PTPRN2: variants seen among roughly 807,000 people sequenced by gnomAD.
The protein encoded by PTPRN2 is protein tyrosine phosphatase receptor type N2, also known as receptor-type tyrosine-protein phosphatase N2.
PTPRN2 carries 74 observed loss-of-function variants against 118.8 expected under a neutral mutation model. The observed-to-expected ratio is 0.62, with a 90% CI of 0.52 to 0.76. PTPRN2 has a LOEUF of 0.76. PTPRN2 is among the 30% of genes least tolerant of loss of function. The pLI, the probability that PTPRN2 is intolerant of heterozygous loss-of-function variation, is 0.00. For missense variants in PTPRN2, 1,481 were observed against 1,394.4 expected (o/e 1.06, Z -0.99); for synonymous variants, 641 against 608.0 (o/e 1.05, Z -0.80).
chr7:157,748,204 TGA>T (rs1801139450), intron 12 of PTPRN2, among the ~76,000 whole-genome samples: 3 of 139,992 alleles, frequency 2.1e-5, no homozygotes, highest in South Asian at 2.4e-4. Flanking sequence ...CCCTGAGCTG[TGA>T]GCTGTTGAGG....
intron 6 of PTPRN2, among the ~76,000 whole-genome samples, chr7:158,152,191 ACC>A (rs1821262826): frequency 6.9e-6 from 1 of 145,150 alleles, no homozygotes; most frequent in Non-Finnish European, 1.5e-5. Flanking sequence ...AAAAAAAAAA[ACC>A]ATGAATGCAC....
intron 21 of PTPRN2, among the ~76,000 whole-genome samples, chr7:157,562,350 G>C (rs1330074199): frequency 6.6e-6 from 1 of 152,214 alleles, no homozygotes; most frequent in East Asian, 1.9e-4. Context: ...TGAGGGTGAA[G>C]TCAGGAGCCA....
At chr7:158,354,346 T>G (rs551881988) in intron 2 of PTPRN2, among the ~76,000 whole-genome samples, 2 of 152,142 alleles carry the variant, frequency 1.3e-5, no homozygotes, top group African/African-American at 4.8e-5. Context: ...GACCATGGCC[T>G]CCCCAAACGG....
chr7:157,621,265 C>G, intron 15 of PTPRN2, 97 bp downstream of exon 15: 1 of 1,453,910 alleles, frequency 6.9e-7, no homozygotes, highest in Non-Finnish European at 9.2e-7. Flanking sequence ...CGCCCGGAAC[C>G]CTGGCCTCCT....
intron 13 of PTPRN2, among the ~76,000 whole-genome samples, chr7:157,673,670 T>G (rs775016518): frequency 7.9e-5 from 12 of 151,902 alleles, no homozygotes; most frequent in Admixed American, 2.0e-4. Context: ...GGCCCCTCTC[T>G]CTCTGAGCTC....
chr7:157,875,770 C>T (rs1311345524), intron 12 of PTPRN2, among the ~76,000 whole-genome samples: 5 of 146,202 alleles, frequency 3.4e-5, no homozygotes, highest in African/African-American at 1.3e-4. Context: ...AGGGGCCGAG[C>T]CCCCAGGCCA....
rs1045704997 is a variant in PTPRN2 at position 157,990,214 on chromosome 7, T to C, written c.1723+91084A>G. Among the ~76,000 whole-genome samples the C allele has an allele frequency of 1.3e-5, 2 of 151,396 alleles. No individual in the cohort carries two copies. The highest frequency in any genetic ancestry group is 4.9e-5 in the African/African-American group (2 of 41,190). On this transcript the variant is annotated intron_variant, in intron 11 of 22. Coordinates refer to ENST00000389418, the MANE Select transcript of PTPRN2 (RefSeq NM_002847.5). The surrounding 1 kb of genome is among the most constrained non-coding windows in gnomAD (Gnocchi z 4.3). The stretch of plus-strand genomic sequence containing the variant: ...AGAGCGGGCCCAGATAAATAATTCA[T>C]GAGCGCCACCGGGGAAGACCGGGCA...
intron 2 of PTPRN2, among the ~76,000 whole-genome samples, chr7:158,336,535 C>A (rs1444808078): frequency 7.2e-6 from 1 of 138,188 alleles, no homozygotes; most frequent in Non-Finnish European, 1.6e-5. Context: ...AGAGGTGAAA[C>A]CTGCCGACGT....
At position 157,964,256 on chromosome 7, in the gene PTPRN2, C is replaced by T. The variant is rs1346393876; in HGVS notation, c.1724-65519G>A. ...CCACACACCCACGTCTACAGAAACA[C>T]TAGGCCAGACTGGGGTCCGCCCCAC... is the stretch of plus-strand genomic sequence containing the variant. On this transcript the variant is annotated intron_variant, in intron 11 of 22. Transcript: ENST00000389418. This position sits in a 1 kb window ranked among gnomAD's most constrained non-coding sequence, Gnocchi z 9.0. Among the ~76,000 whole-genome samples the T allele has an allele frequency of 1.3e-5, 2 of 152,122 alleles. No homozygotes were observed. The highest frequency in any genetic ancestry group is 4.8e-5 in the African/African-American group (2 of 41,416).
chr7:158,416,207 G>C (rs886847039), intron 2 of PTPRN2, among the ~76,000 whole-genome samples: 4 of 152,214 alleles, frequency 2.6e-5, no homozygotes, highest in Admixed American at 6.5e-5. Flanking sequence ...TGGGGCCCAG[G>C]AATGGGAATC....
At chr7:158,339,862 C>T (rs1326459784) in intron 2 of PTPRN2, among the ~76,000 whole-genome samples, 1 of 114,400 alleles carries the variant, frequency 8.7e-6, no homozygotes, top group Non-Finnish European at 1.9e-5. Flanking sequence ...CTGCAGACAT[C>T]ACTCACACCC....
At chr7:158,234,146 T>A (rs1563633865) in intron 3 of PTPRN2, among the ~76,000 whole-genome samples, 2 of 152,000 alleles carry the variant, frequency 1.3e-5, no homozygotes, top group Admixed American at 6.6e-5. Context: ...CTAAAAGGCT[T>A]CTGCACAGCA....
intron 11 of PTPRN2, among the ~76,000 whole-genome samples, chr7:157,901,017 GTCTGCATCTGAGGA>G (rs1272139460): frequency 6.6e-6 from 1 of 152,232 alleles, no homozygotes; most frequent in Non-Finnish European, 1.5e-5. Context: ...TGGCACAGGT[GTCTGCATCTGAGGA>G]TGCCCCAGGC....
Position 157,889,872 on chromosome 7 carries a change from C to T in PTPRN2, c.1788+8801G>A, listed in dbSNP as rs368405878. On this transcript the variant is annotated intron_variant, in intron 12 of 22. Coordinates refer to ENST00000389418, the MANE Select transcript of PTPRN2 (RefSeq NM_002847.5). ...CCCAATTACGAGCCTCGTCATTCTT[C>T]TGCTGCCACCATCAACCCCATAAGA... Among the ~76,000 whole-genome samples the T allele has an allele frequency of 2.6e-5, 4 of 152,372 alleles. No individual in the cohort carries two copies. In the South Asian group the frequency reaches 8.3e-4, roughly 32 times the overall value.
At chr7:158,564,134 G>A (rs191797038) in intron 1 of PTPRN2, among the ~76,000 whole-genome samples, 19 of 152,274 alleles carry the variant, frequency 1.2e-4, no homozygotes, top group Admixed American at 2.6e-4. Flanking sequence ...GGACTGTCCC[G>A]TACCTCCACA....
At chr7:157,725,928 GAGCCAGACCCTCGCCTCCCAGGAGAAC>G (rs1799563906) in intron 12 of PTPRN2, among the ~76,000 whole-genome samples, 4 of 72,318 alleles carry the variant, frequency 5.5e-5, no homozygotes, top group African/African-American at 1.1e-4. Context: ...GCAGAGGAGT[GAGCCAGACCCTCGCCTCCCAGGAGAAC>G]TGGATATCCA....
chr7:158,225,489 T>C (rs139152097), intron 3 of PTPRN2, among the ~76,000 whole-genome samples: 1 of 152,280 alleles, frequency 6.6e-6, no homozygotes, highest in Non-Finnish European at 1.5e-5. Flanking sequence ...CTATATAATT[T>C]CATCTAGACA....
chr7:157,884,702 C>A (rs552667708), intron 12 of PTPRN2, among the ~76,000 whole-genome samples: 42 of 152,324 alleles, frequency 2.8e-4, no homozygotes, highest in South Asian at 6.2e-4. Context: ...TGCAGGGAAA[C>A]TGCCCTTTAT....
At chr7:158,323,985 GCA>G (rs1157511987) in intron 2 of PTPRN2, among the ~76,000 whole-genome samples, 2 of 151,716 alleles carry the variant, frequency 1.3e-5, no homozygotes, top group African/African-American at 2.4e-5. Flanking sequence ...ACACAAGTGT[GCA>G]CACACTCATT....
Sources: gnomAD v4.1 joint callset for allele counts (sites outside exome capture counted in the v4.1 genomes callset) on GRCh38, gnomAD v4.1.1 for gene constraint, Gnocchi (gnomAD v3.1) non-coding constraint, MANE v1.5 for transcripts, NCBI Gene and HGNC (gene_info 2026-07-23, HGNC 2026-07-21) for gene names.